ANK3: variants seen among roughly 807,000 people sequenced by gnomAD.
ANK3 encodes the protein ankyrin-3.
Under a neutral mutation model 370.9 loss-of-function variants are expected in ANK3, and 57 were observed. That is an observed-to-expected ratio of 0.15 (90% confidence interval 0.12 to 0.19). The LOEUF (loss-of-function observed/expected upper bound fraction) is 0.19, where lower values mean the gene tolerates loss of function less well. Ranked by LOEUF, ANK3 falls within the 10% of genes least tolerant of loss-of-function variation. The probability of loss-of-function intolerance (pLI) is 1.00; values close to 1 mark genes in which losing one functional copy is unlikely to be tolerated. For missense variants in ANK3, 4,439 were observed against 5,302.1 expected (o/e 0.84, Z 5.06); for synonymous variants, 1,929 against 1,946.3 (o/e 0.99, Z 0.23).
intron 2 of ANK3, among the ~76,000 whole-genome samples, chr10:60,478,699 G>A (rs887607769): frequency 6.6e-6 from 1 of 152,050 alleles, no homozygotes; most frequent in Admixed American, 6.6e-5. Context: ...TGTTTTTAAA[G>A]AGAAAAATTT....
chr10:60,558,094 C>G (rs1167656669), intron 2 of ANK3, among the ~76,000 whole-genome samples: 1 of 152,132 alleles, frequency 6.6e-6, no homozygotes, highest in Non-Finnish European at 1.5e-5. Context: ...AGCAAACACA[C>G]AGCAATGCAG....
chr10:60,142,526 A>G (rs2094614637), intron 23 of ANK3, among the ~76,000 whole-genome samples: 1 of 151,818 alleles, frequency 6.6e-6, no homozygotes, highest in Non-Finnish European at 1.5e-5. Flanking sequence ...TTTTATGTTT[A>G]TCTTTTAAAT....
At chr10:60,351,836 T>C (rs1414801453) in intron 1 of ANK3, among the ~76,000 whole-genome samples, 2 of 152,168 alleles carry the variant, frequency 1.3e-5, no homozygotes, top group Non-Finnish European at 2.9e-5. Context: ...CACCTCCCTG[T>C]TACTTTTAAA....
chr10:60,207,886 T>C lies in ANK3; in HGVS notation c.1194+150A>G, dbSNP rs571367195. On this transcript the variant is annotated intron_variant, in intron 10 of 43. Coordinates refer to ENST00000280772, the MANE Select transcript of ANK3 (RefSeq NM_020987.5). ...GTCAGAAATAGAAAATTTTGTAGAC[T>C]TTCCTGAAGGATATTTGAAAAAATT... The C allele has an allele frequency of 2.0e-5, 14 of 712,014 alleles. No individual in the cohort carries two copies. The South Asian group carries it at 2.1e-4, about 11-fold the overall frequency. The allele number at this position is 712,014 out of a possible 1,614,324, so 44.1% of individuals were successfully genotyped here. A position where few individuals can be genotyped will look rare whatever the true frequency, so the allele number is the denominator to read the frequency against.
At chr10:60,532,370 T>C (rs1392068124) in intron 2 of ANK3, among the ~76,000 whole-genome samples, 2 of 152,122 alleles carry the variant, frequency 1.3e-5, no homozygotes, top group African/African-American at 4.8e-5. Context: ...TGGTAGCAGC[T>C]ACATTTGGTT....
intron 2 of ANK3, among the ~76,000 whole-genome samples, chr10:60,520,703 A>G (rs539999673): frequency 1.2e-3 from 188 of 152,240 alleles, no homozygotes; most frequent in Non-Finnish European, 2.1e-3. Context: ...TACTCCCTAG[A>G]GTACTTACTA....
intron 2 of ANK3, among the ~76,000 whole-genome samples, chr10:60,425,876 G>T (rs572215822): frequency 6.6e-6 from 1 of 152,166 alleles, no homozygotes; most frequent in African/African-American, 2.4e-5. Flanking sequence ...TATTAGTATT[G>T]TTTAGTCTTT....
At chr10:60,492,385 A>G (rs74470313) in intron 2 of ANK3, among the ~76,000 whole-genome samples, 19,750 of 152,082 alleles carry the variant, frequency 0.13, 1,481 homozygotes, top group African/African-American at 0.21. Context: ...AAAGTAAATG[A>G]AACAGCATGA....
chr10:60,053,797 A>G (rs759614809), intron 42 of ANK3: 13 of 1,243,450 alleles, frequency 1.0e-5, no homozygotes, highest in Admixed American at 9.6e-5. Flanking sequence ...GTTGGTTGCT[A>G]TTATACTATG....
intron 1 of ANK3, among the ~76,000 whole-genome samples, chr10:60,378,030 T>A (rs779615785): frequency 1.3e-5 from 2 of 152,196 alleles, no homozygotes; most frequent in Admixed American, 6.5e-5. Flanking sequence ...TTGAGAAATT[T>A]AGTAGTTTTT....
chr10:60,155,866 C>T (rs187385971), intron 23 of ANK3, among the ~76,000 whole-genome samples: 1 of 152,214 alleles, frequency 6.6e-6, no homozygotes, highest in Non-Finnish European at 1.5e-5. Flanking sequence ...GGACCTACAC[C>T]AGTGATTTGC....
chr10:60,647,852 C>CT (rs10591129), intron 1 of ANK3, among the ~76,000 whole-genome samples: 16,741 of 144,294 alleles, frequency 0.12, 1,340 homozygotes, highest in East Asian at 0.26. Context: ...CAAAATTTGC[C>CT]TTTTTTTTTT....
chr10:60,668,438 T>C (rs10509137), intron 1 of ANK3, among the ~76,000 whole-genome samples: 6,302 of 148,194 alleles, frequency 0.043, 264 homozygotes, highest in Middle Eastern at 0.071. Flanking sequence ...CTCATGGTTA[T>C]AAATAAGTAC....
intron 2 of ANK3, among the ~76,000 whole-genome samples, chr10:60,520,200 A>C (rs557482096): frequency 6.6e-6 from 1 of 152,126 alleles, no homozygotes. Context: ...CAAATTCTGC[A>C]TGTTCTCATA....
At chr10:60,293,248 C>T (rs577621210) in intron 1 of ANK3, among the ~76,000 whole-genome samples, 169 of 152,276 alleles carry the variant, frequency 1.1e-3, no homozygotes, top group African/African-American at 3.8e-3. Context: ...CATCTCATCA[C>T]GCCTTCATTT....
chr10:60,403,202 A>C (rs2063386657), intron 2 of ANK3, among the ~76,000 whole-genome samples: 1 of 152,224 alleles, frequency 6.6e-6, no homozygotes, highest in Non-Finnish European at 1.5e-5. Flanking sequence ...AAAAACAATC[A>C]TTACAAAAAC....
At chr10:60,451,926 G>A (rs2064615125) in intron 2 of ANK3, among the ~76,000 whole-genome samples, 1 of 152,192 alleles carries the variant, frequency 6.6e-6, no homozygotes, top group South Asian at 2.1e-4. Context: ...AACATACCCT[G>A]GAGGACCTGT....
chr10:60,516,601 C>T (rs1024085131), intron 2 of ANK3, among the ~76,000 whole-genome samples: 2 of 152,040 alleles, frequency 1.3e-5, no homozygotes, highest in African/African-American at 4.8e-5. Flanking sequence ...CATCTCTAAC[C>T]ACTCCCATCA....
At chr10:60,251,247 C>A (rs2097660036) in intron 7 of ANK3, among the ~76,000 whole-genome samples, 2 of 152,102 alleles carry the variant, frequency 1.3e-5, no homozygotes, top group Admixed American at 6.5e-5. Flanking sequence ...TGAACAGAGC[C>A]TCAGGGTCTT....
Sources: gnomAD v4.1 joint callset for allele counts (sites outside exome capture counted in the v4.1 genomes callset) on GRCh38, gnomAD v4.1.1 for gene constraint, MANE v1.5 for transcripts, NCBI Gene and HGNC (gene_info 2026-07-23, HGNC 2026-07-21) for gene names.